SLC25A21: variants seen among roughly 807,000 people sequenced by gnomAD.
The protein encoded by SLC25A21 is solute carrier family 25 member 21.
In SLC25A21, 47 loss-of-function variants were observed where a neutral mutation model predicts 43.8. The observed-to-expected ratio is 1.07, with a 90% confidence interval of 0.85 to 1.37. The LOEUF is 1.37. Ranked by LOEUF, SLC25A21 falls within the 40% of genes most tolerant of loss-of-function variation. The probability of loss-of-function intolerance (pLI) is 0.00; values close to 1 mark genes in which losing one functional copy is unlikely to be tolerated. For synonymous variants in SLC25A21, 131 were observed against 121.3 expected (o/e 1.08, Z -0.52); for missense variants, 352 against 350.2 (o/e 1.00, Z -0.04).
intron 1 of SLC25A21, among the ~76,000 whole-genome samples, chr14:37,010,053 C>T (rs1005774393): frequency 6.6e-6 from 1 of 152,128 alleles, no homozygotes; most frequent in Non-Finnish European, 1.5e-5. Context: ...ATTTATTACC[C>T]GTGACCTTGG....
intron 1 of SLC25A21, among the ~76,000 whole-genome samples, chr14:37,005,922 C>T (rs1960593492): frequency 6.6e-6 from 1 of 151,616 alleles, no homozygotes. Flanking sequence ...AATAACAATA[C>T]AGTTGTCTAA....
intron 1 of SLC25A21, among the ~76,000 whole-genome samples, chr14:36,970,740 G>C (rs1959731470): frequency 1.3e-5 from 2 of 152,144 alleles, no homozygotes; most frequent in South Asian, 4.1e-4. Flanking sequence ...ATGTGAAATT[G>C]CTGTTTGTGT....
intron 1 of SLC25A21, among the ~76,000 whole-genome samples, chr14:36,883,478 T>C (rs1183238758): frequency 4.6e-5 from 7 of 152,210 alleles, no homozygotes; most frequent in African/African-American, 1.2e-4. Context: ...CTCTCTAGTG[T>C]GTACCAACTT....
intron 1 of SLC25A21, among the ~76,000 whole-genome samples, chr14:37,003,163 G>A (rs1452761325): frequency 1.3e-5 from 2 of 152,060 alleles, no homozygotes; most frequent in African/African-American, 4.8e-5. Context: ...TATAAATTAG[G>A]CACAGTAAGA....
At chr14:36,745,276 C>T (rs1217650722) in intron 3 of SLC25A21, among the ~76,000 whole-genome samples, 1 of 152,068 alleles carries the variant, frequency 6.6e-6, no homozygotes, top group Non-Finnish European at 1.5e-5. Flanking sequence ...CAAGTCTTTG[C>T]TATTGTGAAT....
intron 6 of SLC25A21, among the ~76,000 whole-genome samples, chr14:36,722,657 C>T (rs1884422611): frequency 6.6e-6 from 1 of 151,918 alleles, no homozygotes; most frequent in Non-Finnish European, 1.5e-5. Context: ...ATTAATTTCA[C>T]CTGTTTCTTT....
At chr14:37,015,976 C>T (rs1049787475) in intron 1 of SLC25A21, among the ~76,000 whole-genome samples, 47 of 150,340 alleles carry the variant, frequency 3.1e-4, no homozygotes, top group Admixed American at 6.6e-4. Context: ...CGAAAATTTT[C>T]TCCCATTTTG....
At chr14:36,712,559 T>C (rs1955735) in intron 6 of SLC25A21, among the ~76,000 whole-genome samples, 87,620 of 152,048 alleles carry the variant, frequency 0.58, 25,804 homozygotes, top group Admixed American at 0.67. Flanking sequence ...ATAATAGCTA[T>C]GTAATTAATG....
intron 6 of SLC25A21, among the ~76,000 whole-genome samples, chr14:36,719,773 A>AT (rs937501808): frequency 2.0e-5 from 3 of 152,180 alleles, no homozygotes; most frequent in South Asian, 2.1e-4. Flanking sequence ...TTAAATTCAC[A>AT]TTTTTTAAAA....
intron 3 of SLC25A21, among the ~76,000 whole-genome samples, chr14:36,777,308 C>A (rs1330240955): frequency 6.6e-6 from 1 of 152,004 alleles, no homozygotes; most frequent in African/African-American, 2.4e-5. Flanking sequence ...TAGCTTAAGT[C>A]CATCACATCT....
intron 1 of SLC25A21, among the ~76,000 whole-genome samples, chr14:37,108,038 C>A (rs540251253): frequency 6.6e-6 from 1 of 152,284 alleles, no homozygotes; most frequent in Non-Finnish European, 1.5e-5. Context: ...ATTCTACTAC[C>A]ATGGGCAAGG....
chr14:36,880,616 G>C (rs1446572591), intron 1 of SLC25A21, among the ~76,000 whole-genome samples: 1 of 145,914 alleles, frequency 6.9e-6, no homozygotes, highest in Non-Finnish European at 1.5e-5. Flanking sequence ...ATGCTCATTA[G>C]GGTTTCTGCC....
At chr14:36,861,639 A>G (rs1890068246) in intron 2 of SLC25A21, among the ~76,000 whole-genome samples, 2 of 152,234 alleles carry the variant, frequency 1.3e-5, no homozygotes, top group Admixed American at 6.5e-5. Context: ...CACTCTGGAT[A>G]AAGATAATTT....
At chr14:36,974,548 C>G (rs1202656744) in intron 1 of SLC25A21, among the ~76,000 whole-genome samples, 1 of 152,054 alleles carries the variant, frequency 6.6e-6, no homozygotes, top group African/African-American at 2.4e-5. Flanking sequence ...ACTTACTTGC[C>G]CTAGAAAATT....
chr14:36,714,590 A>G (rs1884042258), intron 6 of SLC25A21, among the ~76,000 whole-genome samples: 1 of 152,226 alleles, frequency 6.6e-6, no homozygotes, highest in Non-Finnish European at 1.5e-5. Context: ...GGAAAAGCAC[A>G]TGAATTGGGC....
intron 1 of SLC25A21, among the ~76,000 whole-genome samples, chr14:37,094,720 C>A: frequency 7.5e-6 from 1 of 133,714 alleles, no homozygotes; most frequent in Non-Finnish European, 1.6e-5. Flanking sequence ...CTCACTGAAG[C>A]ATGGTTGGTG....
rs143494247 is a variant in SLC25A21, at chr14:37,093,244, G to A, written c.70+79037C>T. ...AATGTTAATACATCCAATCAAGAAC[G>A]ATTTTTTAGTTTATCAAATAAAATT... On this transcript the variant is annotated intron_variant, in intron 1 of 9. Coordinates refer to ENST00000331299, the MANE Select transcript of SLC25A21 (RefSeq NM_030631.4). 3.7e-3 allele frequency among the ~76,000 whole-genome samples: 561 copies of A among 152,176 alleles called. 3 individuals carry two copies. The highest frequency in any genetic ancestry group is 8.1e-3 in the African/African-American group (337 of 41,516).
intron 1 of SLC25A21, among the ~76,000 whole-genome samples, chr14:36,930,178 G>A (rs79946334): frequency 0.017 from 2,629 of 152,256 alleles, 68 homozygotes; most frequent in African/African-American, 0.059. Context: ...CTGCCTTGCT[G>A]AGCCTATTAA....
intron 1 of SLC25A21, among the ~76,000 whole-genome samples, chr14:37,009,609 T>C (rs1960685354): frequency 1.3e-5 from 2 of 152,218 alleles, no homozygotes; most frequent in African/African-American, 2.4e-5. Context: ...TCTTATCTCA[T>C]TGGTGACATT....
Sources: allele counts gnomAD v4.1 joint callset (sites outside exome capture counted in the v4.1 genomes callset), GRCh38; gene constraint gnomAD v4.1.1; transcripts MANE v1.5; gene names NCBI Gene and HGNC (gene_info 2026-07-23, HGNC 2026-07-21).